GLS: variants seen among roughly 807,000 people sequenced by gnomAD.
The protein encoded by GLS is glutaminase kidney isoform, mitochondrial.
Under a neutral mutation model 86.7 loss-of-function variants are expected in GLS, and 36 were observed. The observed-to-expected ratio is 0.42, with a 90% CI of 0.32 to 0.55. The LOEUF (loss-of-function observed/expected upper bound fraction) is 0.55, where lower values mean the gene tolerates loss of function less well. GLS is among the 20% of genes least tolerant of loss of function. The probability of loss-of-function intolerance (pLI) is 0.17; values close to 1 mark genes in which losing one functional copy is unlikely to be tolerated. For missense variants in GLS, 528 were observed against 833.4 expected (o/e 0.63, Z 4.51); for synonymous variants, 317 against 305.9 (o/e 1.04, Z -0.38).
At chr2:190,945,972 G>T (rs1373507164) in intron 14 of GLS, among the ~76,000 whole-genome samples, 2 of 152,036 alleles carry the variant, frequency 1.3e-5, no homozygotes, top group African/African-American at 4.8e-5. Context: ...ATATCAGTTT[G>T]GATTAGTTTT....
intron 1 of GLS, among the ~76,000 whole-genome samples, chr2:190,893,892 C>G (rs780899936): frequency 5.9e-5 from 9 of 152,088 alleles, no homozygotes; most frequent in Non-Finnish European, 1.2e-4. Flanking sequence ...GCTTCAAATG[C>G]ATTTTTAGAA....
chr2:190,945,602 C>A (rs969311755), intron 14 of GLS, among the ~76,000 whole-genome samples: 27 of 151,046 alleles, frequency 1.8e-4, no homozygotes, highest in Non-Finnish European at 1.5e-4. Flanking sequence ...GAGGTCAAGG[C>A]TGCAGTGAGC....
intron 7 of GLS, among the ~76,000 whole-genome samples, chr2:190,910,809 TCA>T (rs1257646339): frequency 6.6e-6 from 1 of 151,596 alleles, no homozygotes; most frequent in Admixed American, 6.6e-5. Context: ...TGAGCTGAAA[TCA>T]CAGTTTTTAT....
intron 3 of GLS, among the ~76,000 whole-genome samples, chr2:190,899,904 A>G (rs1350932059): frequency 1.3e-5 from 2 of 152,134 alleles, no homozygotes; most frequent in Non-Finnish European, 2.9e-5. Flanking sequence ...TTATATTTAC[A>G]TATCTTACAT....
Position 190,902,024 on chromosome 2 carries a change from G to A in GLS, c.813G>A (p.Gln271=), listed in dbSNP as rs1283915470. Residue 271 remains glutamine (Q), a splice_region_variant and synonymous_variant, in exon 5 of 18, where the codon CAG becomes CAA. Coordinates refer to ENST00000320717, the MANE Select transcript of GLS (RefSeq NM_014905.5). ...TGTCTGTTTGTACAGTAGATGGACA[G>A]AGGTAAGTTTATTTCAAATTCATGA... ...WGVSVCTVDG[Q]RHSTGDTKVP... 1 of 1,596,854 alleles carries A rather than the reference G, an allele frequency of 6.3e-7. No individual in the cohort carries two copies. The highest frequency in any genetic ancestry group is 1.3e-5 in the African/African-American group (1 of 74,574).
chr2:190,949,550 A>G lies in GLS; in HGVS notation c.1651-4015A>G, dbSNP rs1174922699. On this transcript the variant is annotated intron_variant, in intron 14 of 17. Transcript: ENST00000320717. The surrounding 1 kb of genome is among the most constrained non-coding windows in gnomAD (Gnocchi z 4.0). ...CTCTACCAAAAACTACAAAAATTAG[A>G]TTAGTGGTGGCACATGCCTGTAATC... Among the ~76,000 whole-genome samples, 2 of 151,898 alleles carry G rather than the reference A, an allele frequency of 1.3e-5. No individual in the cohort carries two copies. The highest frequency in any genetic ancestry group is 4.8e-5 in the African/African-American group (2 of 41,330).
chr2:190,893,626 C>T (rs1410392627), intron 1 of GLS, among the ~76,000 whole-genome samples: 1 of 152,174 alleles, frequency 6.6e-6, no homozygotes, highest in Admixed American at 6.5e-5. Context: ...CGCTCTGTTA[C>T]CCACTCTGGA....
chr2:190,901,420 A>G (rs774305122), intron 4 of GLS, among the ~76,000 whole-genome samples: 2 of 152,076 alleles, frequency 1.3e-5, no homozygotes, highest in Non-Finnish European at 2.9e-5. Flanking sequence ...CTGAAGAAGA[A>G]GAGGAGGGAT....
rs991721588 is a variant in GLS, at chr2:190,930,805, G to T, written c.1557+237G>T. On this transcript the variant is annotated intron_variant, in intron 13 of 17. Coordinates refer to ENST00000320717, the MANE Select transcript of GLS (RefSeq NM_014905.5). This position sits in a 1 kb window ranked among gnomAD's most constrained non-coding sequence, Gnocchi z 5.0. ...TAGATGCTAATATTTTAATTTTCAT[G>T]GTTATAATTAGTATGAATTTTCAAA... 1.3e-5 allele frequency among the ~76,000 whole-genome samples: 2 copies of T among 152,028 alleles called. No individual in the cohort carries two copies. The highest frequency in any genetic ancestry group is 2.9e-5 in the Non-Finnish European group (2 of 68,000).
At chr2:190,927,971 G>T (rs1188562481) in intron 12 of GLS, among the ~76,000 whole-genome samples, 1 of 151,694 alleles carries the variant, frequency 6.6e-6, no homozygotes, top group Non-Finnish European at 1.5e-5. Context: ...ATTTCATTCT[G>T]CTCATGTCAA....
chr2:190,887,845 T>C (rs1373471986), intron 1 of GLS, among the ~76,000 whole-genome samples: 1 of 152,190 alleles, frequency 6.6e-6, no homozygotes, highest in Non-Finnish European at 1.5e-5. Context: ...GAGGGTCTCT[T>C]ATTTAGTCAT....
At chr2:190,946,806 C>G (rs779814728) in intron 14 of GLS, among the ~76,000 whole-genome samples, 6 of 151,892 alleles carry the variant, frequency 4.0e-5, no homozygotes, top group Non-Finnish European at 7.4e-5. Context: ...CGTTGGTTTC[C>G]TTCTGTGCTT....
At chr2:190,884,916 T>G (rs773648603) in intron 1 of GLS, among the ~76,000 whole-genome samples, 1 of 152,242 alleles carries the variant, frequency 6.6e-6, no homozygotes, top group Non-Finnish European at 1.5e-5. Context: ...TCAGTTACTT[T>G]AGGCAGTTTG....
chr2:190,959,709 C>T (rs1192877630), intron 17 of GLS, among the ~76,000 whole-genome samples: 3 of 152,082 alleles, frequency 2.0e-5, no homozygotes, highest in Non-Finnish European at 2.9e-5. Context: ...GGCAGGGATT[C>T]GACATTTATG....
intron 1 of GLS, among the ~76,000 whole-genome samples, chr2:190,893,759 A>G (rs1289331732): frequency 6.6e-6 from 1 of 151,876 alleles, no homozygotes; most frequent in South Asian, 2.1e-4. Context: ...TAGTTTTTCT[A>G]TTTTTAGTAG....
chr2:190,950,146 A>C (rs1690681618), intron 14 of GLS, among the ~76,000 whole-genome samples: 1 of 152,078 alleles, frequency 6.6e-6, no homozygotes, highest in Non-Finnish European at 1.5e-5. Flanking sequence ...GGGAAAGAGC[A>C]TCTCTAGCAG....
At chr2:190,942,813 A>T (rs891312368) in intron 14 of GLS, among the ~76,000 whole-genome samples, 3 of 145,220 alleles carry the variant, frequency 2.1e-5, no homozygotes, top group African/African-American at 7.4e-5. Context: ...CTAATATAAC[A>T]GAAAGTCTCA....
chr2:190,897,701 G>A lies in GLS; in HGVS notation c.605+1976G>A, dbSNP rs1015352457. On this transcript the variant is annotated intron_variant, in intron 3 of 17. Coordinates refer to ENST00000320717, the MANE Select transcript of GLS (RefSeq NM_014905.5). The surrounding 1 kb of genome is among the most constrained non-coding windows in gnomAD (Gnocchi z 4.3). ...GTTTTCAAATATAAGAAGTTACCTA[G>A]TTAGTGTTGCCAGAAATAAACTTCT... is the stretch of plus-strand genomic sequence containing the variant. 5.3e-5 allele frequency among the ~76,000 whole-genome samples: 8 copies of A among 152,212 alleles called. No individual in the cohort carries two copies. The highest frequency in any genetic ancestry group is 1.0e-4 in the Non-Finnish European group (7 of 68,036).
chr2:190,904,098 C>T (rs1689046763), intron 5 of GLS, among the ~76,000 whole-genome samples: 1 of 151,672 alleles, frequency 6.6e-6, no homozygotes, highest in South Asian at 2.1e-4. Context: ...ATGATGACTG[C>T]CTACTGAACT....
Sources: gnomAD v4.1 joint callset for allele counts (sites outside exome capture counted in the v4.1 genomes callset) on GRCh38, gnomAD v4.1.1 for gene constraint, Gnocchi (gnomAD v3.1) non-coding constraint, MANE v1.5 for transcripts, NCBI Gene and HGNC (gene_info 2026-07-23, HGNC 2026-07-21) for gene names.